SMARCA2: variants seen among roughly 807,000 people sequenced by gnomAD.
SMARCA2 encodes SWI/SNF related BAF chromatin remodeling complex subunit ATPase 2, also known as SWI/SNF-related matrix-associated actin-dependent regulator of chromatin subfamily A member 2.
SMARCA2 carries 61 observed loss-of-function variants against 199.8 expected under a neutral mutation model. That is an observed-to-expected ratio of 0.31 (90% CI 0.25 to 0.38). SMARCA2 has a LOEUF of 0.38. Ranked by LOEUF, SMARCA2 falls within the 10% of genes least tolerant of loss-of-function variation. SMARCA2 has a pLI of 1.00. For missense variants in SMARCA2, 1,344 were observed against 2,012.2 expected (o/e 0.67, Z 6.35); for synonymous variants, 935 against 732.0 (o/e 1.28, Z -4.48).
chr9:2,181,961 CAGTGGG>C (rs962478479), intron 30 of SMARCA2, among the ~76,000 whole-genome samples, 174 bp from the exon 31 acceptor site: 1 of 152,178 alleles, frequency 6.6e-6, no homozygotes, highest in Admixed American at 6.5e-5. Flanking sequence ...AAAGGAATGA[CAGTGGG>C]AGTGGGAGGG....
chr9:2,059,316 T>A (rs1820484898), intron 8 of SMARCA2, among the ~76,000 whole-genome samples: 1 of 152,188 alleles, frequency 6.6e-6, no homozygotes, highest in African/African-American at 2.4e-5. Context: ...CTGGCTGGTA[T>A]TACAGTTTGC....
intron 29 of SMARCA2, among the ~76,000 whole-genome samples, chr9:2,173,132 G>A (rs1826347730): frequency 6.6e-6 from 1 of 152,186 alleles, no homozygotes; most frequent in African/African-American, 2.4e-5. Flanking sequence ...GAACAGCGGT[G>A]CCATTTACAG....
chr9:2,040,513 A>C (rs1819559268), intron 4 of SMARCA2: 2 of 153,282 alleles, frequency 1.3e-5, no homozygotes, highest in Admixed American at 1.3e-4. Context: ...TCAGAGCCAA[A>C]AGGAGACAAA....
At position 2,032,923 on chromosome 9, in the gene SMARCA2, G is replaced by A. The variant is rs373127967; in HGVS notation, c.226-29G>A. 4.4e-5 allele frequency: 70 copies of A among 1,606,234 alleles called. 1 individual carries two copies. The highest frequency in any genetic ancestry group is 5.9e-5 in the Non-Finnish European group (69 of 1,174,784). ...TAGAAATATTTTACCTTATAGAGGT[G>A]TCTAACTAATGTCCTTTAAATGTTT... On this transcript the variant is annotated intron_variant, in intron 2 of 33. Transcript: ENST00000349721.
intron 19 of SMARCA2, among the ~76,000 whole-genome samples, chr9:2,093,375 C>G (rs1342531548): frequency 6.6e-6 from 1 of 152,172 alleles, no homozygotes; most frequent in African/African-American, 2.4e-5. Context: ...CAGATTGACA[C>G]CGGTACCTAT....
chr9:2,169,937 T>C lies in SMARCA2; in HGVS notation c.4200-482T>C, dbSNP rs1240572645. 2.6e-5 allele frequency among the ~76,000 whole-genome samples: 4 copies of C among 152,204 alleles called. No homozygotes were observed. Among genetic ancestry groups the C allele is most frequent in the Non-Finnish European group, 5.9e-5 (4 of 68,024 alleles). On this transcript the variant is annotated intron_variant, in intron 28 of 33. Transcript: ENST00000349721. This position sits in a 1 kb window ranked among gnomAD's most constrained non-coding sequence, Gnocchi z 6.5. ...AGTTAGATGGTGTTCAGACCCAAAT[T>C]GGCTGATGCTTGGAATACCTTCTTT...
At chr9:2,080,662 T>A (rs7874439) in intron 14 of SMARCA2, among the ~76,000 whole-genome samples, 1 of 151,980 alleles carries the variant, frequency 6.6e-6, no homozygotes, top group African/African-American at 2.4e-5. Context: ...CTTGTTGTTG[T>A]TGTAGTTCTG....
At chr9:2,125,065 G>T (rs1823628839) in intron 27 of SMARCA2, among the ~76,000 whole-genome samples, 1 of 152,296 alleles carries the variant, frequency 6.6e-6, no homozygotes, top group African/African-American at 2.4e-5. Context: ...GGGTAGAAAG[G>T]CAGTGGGCAG....
At chr9:2,058,167 C>G (rs1432636799) in intron 7 of SMARCA2, 124 bp from the exon 8 acceptor site, 2 of 829,922 alleles carry the variant, frequency 2.4e-6, no homozygotes, top group Non-Finnish European at 3.9e-6. Flanking sequence ...TATCCCCAAA[C>G]AGATTCTAGT....
chr9:2,134,484 C>T (rs57605830), intron 27 of SMARCA2, among the ~76,000 whole-genome samples: 3,200 of 152,256 alleles, frequency 0.021, 126 homozygotes, highest in African/African-American at 0.072. Flanking sequence ...TCTACCTAGC[C>T]GCCTGCCAAC....
intron 27 of SMARCA2, among the ~76,000 whole-genome samples, chr9:2,147,051 A>G (rs929798630): frequency 2.6e-5 from 4 of 152,174 alleles, no homozygotes; most frequent in East Asian, 1.9e-4. Context: ...TGCTTCAAAC[A>G]TCTCTGACAG....
chr9:2,062,819 G>C (rs1299748081), intron 9 of SMARCA2, among the ~76,000 whole-genome samples: 5 of 152,092 alleles, frequency 3.3e-5, no homozygotes, highest in Non-Finnish European at 1.5e-5. Context: ...AGAGAGGCTA[G>C]ACTGATATTA....
intron 19 of SMARCA2, among the ~76,000 whole-genome samples, chr9:2,095,277 G>T (rs1265825680): frequency 2.6e-5 from 4 of 151,918 alleles, no homozygotes; most frequent in African/African-American, 9.7e-5. Context: ...GTAGAGCTGG[G>T]GTTTCATTAT....
chr9:2,027,684 C>G (rs1163844225), intron 1 of SMARCA2: 1 of 152,110 alleles, frequency 6.6e-6, no homozygotes, highest in African/African-American at 2.4e-5. Context: ...TGTGTACTGC[C>G]CCTCCAGCCC....
intron 4 of SMARCA2, chr9:2,041,328 C>T (rs1819594956): frequency 2.5e-6 from 1 of 398,594 alleles, no homozygotes; most frequent in Non-Finnish European, 4.4e-6. Flanking sequence ...TTATTTCTTA[C>T]AGCTCTGAAT....
chr9:2,081,879 C>G lies in SMARCA2; in HGVS notation c.2232C>G (p.Asn744Lys). Residue 744 changes from asparagine (N) to lysine (K), a missense_variant, in exon 15 of 34, where the codon AAC (asparagine) becomes AAG (lysine). This residue lies in a region of SMARCA2 where 106 missense variants were observed against 179.7 expected (regional missense o/e 0.59). Coordinates refer to ENST00000349721, the MANE Select transcript of SMARCA2 (RefSeq NM_003070.5). ...TTTCCCTGTATAATAACAACTTGAA[C>G]GGAATCTTAGCCGATGAAATGGGGC... ...WMVSLYNNNL[N>K]GILADEMGLG... The G allele has an allele frequency of 6.2e-7, 1 of 1,613,966 alleles. No individual in the cohort carries two copies. Among genetic ancestry groups the G allele is most frequent in the East Asian group, 2.2e-5 (1 of 44,870 alleles).
chr9:2,040,056 A>G (rs953525625), intron 4 of SMARCA2, 156 bp downstream of exon 4: 3 of 1,377,570 alleles, frequency 2.2e-6, no homozygotes, highest in African/African-American at 2.9e-5. Flanking sequence ...GATGGCCAAG[A>G]TTCTTGGTCT....
chr9:2,049,913 AG>A (rs984773865), intron 5 of SMARCA2, among the ~76,000 whole-genome samples: 1 of 152,184 alleles, frequency 6.6e-6, no homozygotes, highest in Non-Finnish European at 1.5e-5. Flanking sequence ...AAGATTAGAG[AG>A]GGGTCTAAAA....
rs7874678 is a variant in SMARCA2, at chr9:2,081,072, A to G, written c.2185-760A>G. Among the ~76,000 whole-genome samples the G allele has an allele frequency of 6.6e-3, 1,002 of 152,352 alleles. 17 individuals carry two copies. Among genetic ancestry groups the G allele is most frequent in the African/African-American group, 0.023 (954 of 41,586 alleles). On this transcript the variant is annotated intron_variant, in intron 14 of 33. Coordinates refer to ENST00000349721, the MANE Select transcript of SMARCA2 (RefSeq NM_003070.5). ...GCAAGCTAAATTGACTTTAGCAAAC[A>G]TATATATAATTGATCCTATCATTTA...
Sources: allele counts gnomAD v4.1 joint callset (sites outside exome capture counted in the v4.1 genomes callset), GRCh38; gene constraint gnomAD v4.1.1; regional missense constraint gnomAD v4.1.1; non-coding constraint Gnocchi (gnomAD v3.1); transcripts MANE v1.5; gene names NCBI Gene and HGNC (gene_info 2026-07-23, HGNC 2026-07-21).